The following KANK4 variants were observed in gnomAD, a reference collection of about 807,000 sequenced individuals.
KANK4 encodes the protein KN motif and ankyrin repeat domain-containing protein 4.
Under a neutral mutation model 80.8 loss-of-function variants are expected in KANK4, and 50 were observed. That is an observed-to-expected ratio of 0.62 (90% CI 0.49 to 0.78). The LOEUF (loss-of-function observed/expected upper bound fraction) is 0.78, where lower values mean the gene tolerates loss of function less well. KANK4 is among the 30% of genes least tolerant of loss of function. The pLI is 0.00. For missense variants in KANK4, 1,196 were observed against 1,240.1 expected, an observed-to-expected ratio of 0.96 and a Z score of 0.53; for synonymous variants, 465 against 506.9, an observed-to-expected ratio of 0.92 and a Z score of 1.11.
At chr1:62,263,409 C>T (rs1040412671) in intron 6 of KANK4, 98 bp from the exon 7 acceptor site, 9 of 912,452 alleles carry the variant, frequency 9.9e-6, no homozygotes, top group Non-Finnish European at 1.5e-5. Context: ...GTCCCTGCAG[C>T]TCCCTCCAGC....
At chr1:62,286,979 T>C (rs138182650) in intron 1 of KANK4, among the ~76,000 whole-genome samples, 1 of 152,238 alleles carries the variant, frequency 6.6e-6, no homozygotes, top group East Asian at 1.9e-4. Flanking sequence ...GACGACCAAA[T>C]TACTGTTCAG....
intron 8 of KANK4, among the ~76,000 whole-genome samples, chr1:62,248,901 G>T (rs549212676): frequency 7.8e-4 from 115 of 147,608 alleles, no homozygotes; most frequent in African/African-American, 2.6e-3. Context: ...AGTGGCTCAC[G>T]CCTGTAATCC....
At chr1:62,288,706 T>C (rs1432882276) in intron 1 of KANK4, among the ~76,000 whole-genome samples, 1 of 152,096 alleles carries the variant, frequency 6.6e-6, no homozygotes, top group Non-Finnish European at 1.5e-5. Context: ...GGAGGCTGCA[T>C]TAACCAATGA....
chr1:62,278,569 A>G (rs1334868360), intron 2 of KANK4, among the ~76,000 whole-genome samples: 1 of 148,008 alleles, frequency 6.8e-6, no homozygotes, highest in African/African-American at 2.5e-5. Flanking sequence ...TTTTTTTTGT[A>G]TTTTTAGTAG....
At chr1:62,282,218 C>T (rs190146782) in intron 1 of KANK4, among the ~76,000 whole-genome samples, 25 of 152,158 alleles carry the variant, frequency 1.6e-4, no homozygotes, top group Middle Eastern at 3.4e-3. Flanking sequence ...CTGGGTGGCC[C>T]GAAGACATGG....
intron 7 of KANK4, among the ~76,000 whole-genome samples, chr1:62,259,390 C>T (rs1671825347): frequency 6.6e-6 from 1 of 152,126 alleles, no homozygotes; most frequent in Non-Finnish European, 1.5e-5. Flanking sequence ...GATCCTCCCA[C>T]CTCAGCCTCC....
chr1:62,247,653 A>G lies in KANK4; in HGVS notation c.2702T>C (p.Met901Thr). ...CTCCCTGTCGTGGCTGACTCCCAGC[A>G]TCAGCGCAGTCTGGCCTCCCTGCAT... is the stretch of plus-strand genomic sequence containing the variant. ...QATQGGQTAL[M>T]LGVSHDREDM... Residue 901 changes from methionine to threonine, a missense_variant, in exon 9 of 10, where the codon ATG becomes ACG. Coordinates refer to ENST00000371153, the MANE Select transcript of KANK4 (RefSeq NM_181712.5). 1.9e-6 allele frequency: 3 copies of G among 1,613,830 alleles called. No homozygotes were observed. Among genetic ancestry groups the G allele is most frequent in the Non-Finnish European group, 2.5e-6 (3 of 1,180,028 alleles).
At chr1:62,264,524 AAGGGGACTGGCCCCTT>A (rs1187454134) in intron 6 of KANK4, among the ~76,000 whole-genome samples, 2 of 152,214 alleles carry the variant, frequency 1.3e-5, no homozygotes, top group African/African-American at 4.8e-5. Context: ...ATAGGAGTAA[AAGGGGACTGGCCCCTT>A]ACCTTCCATG....
intron 2 of KANK4, among the ~76,000 whole-genome samples, chr1:62,280,509 C>T (rs891807099): frequency 7.2e-5 from 11 of 152,136 alleles, no homozygotes; most frequent in African/African-American, 2.4e-4. Context: ...AGAGGCAGGG[C>T]GGGAACTAAT....
Position 62,266,784 on chromosome 1 carries a change from C to CG in KANK4, c.2266dup (p.Arg756ProfsTer39). 1 of 1,612,214 alleles carries CG rather than the reference C, an allele frequency of 6.2e-7. No homozygotes were observed. Among genetic ancestry groups the CG allele is most frequent in the Admixed American group, 1.7e-5 (1 of 59,994 alleles). On this transcript the variant is annotated frameshift_variant, in exon 6 of 10. Coordinates refer to ENST00000371153, the MANE Select transcript of KANK4 (RefSeq NM_181712.5). LOFTEE classifies it high-confidence loss of function. ...TTCTGGCAGATGCTGGCTCAGTGCCCGGCATGCATTAAGAAATTCTTCTGA... is the reference window on the plus strand; with the variant it reads ...TTCTGGCAGATGCTGGCTCAGTGCCCGGGCATGCATTAAGAAATTCTTCTGA...
Position 62,253,209 on chromosome 1 carries a change from C to T in KANK4, c.2540G>A (p.Gly847Asp). The change falls in exon 8 of 10, where the codon GGC becomes GAC. Residue 847 changes from glycine (G) to aspartate (D), a missense_variant and splice_region_variant. Around this residue, in one of 3 missense-constraint regions of KANK4, gnomAD observed 1,154 missense variants for 1,179.6 expected, o/e 0.98. Transcript: ENST00000371153. ...GTTCTGATGGTCCACATTGCAGACG[C>T]CTGCAAGAGAAGCAATGGGTGCTGC... is the stretch of plus-strand genomic sequence containing the variant. ...FSIVKLLLETGVCNVDHQNKA... is the reference protein window; with the variant it reads ...FSIVKLLLETDVCNVDHQNKA... 1 of 1,602,734 alleles carries T rather than the reference C, an allele frequency of 6.2e-7. No homozygotes were observed. Among genetic ancestry groups the T allele is most frequent in the Non-Finnish European group, 8.5e-7 (1 of 1,176,806 alleles).
intron 2 of KANK4, among the ~76,000 whole-genome samples, chr1:62,276,895 C>A (rs1182974526): frequency 6.6e-6 from 1 of 152,140 alleles, no homozygotes; most frequent in Non-Finnish European, 1.5e-5. Flanking sequence ...ACAATGGAAG[C>A]CCCATAATGG....
chr1:62,258,964 G>A (rs978232089), intron 7 of KANK4, among the ~76,000 whole-genome samples: 2 of 152,128 alleles, frequency 1.3e-5, no homozygotes, highest in African/African-American at 4.8e-5. Context: ...TGACCTTGGT[G>A]AGTGAGGCCA....
At position 62,238,385 on chromosome 1, in the gene KANK4, C is replaced by T; in HGVS notation, c.2884-4G>A. 6.2e-7 allele frequency: 1 copy of T among 1,613,168 alleles called. No homozygotes were observed. The highest frequency in any genetic ancestry group is 8.5e-7 in the Non-Finnish European group (1 of 1,179,408). On this transcript the variant is annotated splice_polypyrimidine_tract_variant and splice_region_variant and intron_variant, in intron 9 of 9. Transcript: ENST00000371153. ...TGGACAAAGCTGTGCGGCCAGCCTA[C>T]AGGAGAAAAAGGAAAGAAGAAATAA...
intron 1 of KANK4, among the ~76,000 whole-genome samples, chr1:62,317,667 T>A (rs1644553037): frequency 6.6e-6 from 1 of 152,230 alleles, no homozygotes; most frequent in Admixed American, 6.5e-5. Flanking sequence ...CTCATTCCAC[T>A]CTCTCCTGTC....
chr1:62,238,488 A>G (rs1464789554), intron 9 of KANK4, 107 bp from the exon 10 acceptor site: 2 of 865,512 alleles, frequency 2.3e-6, no homozygotes, highest in African/African-American at 3.3e-5. Flanking sequence ...ACAGGTGTCT[A>G]TTAAGGCTTC....
chr1:62,304,270 A>C (rs1364326418), intron 1 of KANK4, among the ~76,000 whole-genome samples: 1 of 152,080 alleles, frequency 6.6e-6, no homozygotes, highest in Non-Finnish European at 1.5e-5. Flanking sequence ...GTTGATCTGA[A>C]TAGCAACAGA....
chr1:62,270,292 T>G (rs773817793), intron 4 of KANK4, among the ~76,000 whole-genome samples: 2 of 152,114 alleles, frequency 1.3e-5, no homozygotes, highest in Non-Finnish European at 2.9e-5. Context: ...GTACATGAAC[T>G]GTGAAAGCAC....
At chr1:62,294,549 G>T (rs970105830) in intron 1 of KANK4, among the ~76,000 whole-genome samples, 2 of 152,236 alleles carry the variant, frequency 1.3e-5, no homozygotes, top group Non-Finnish European at 2.9e-5. Flanking sequence ...TGCCTTCTGG[G>T]TTGGGAGGAA....
Sources: allele counts gnomAD v4.1 joint callset (sites outside exome capture counted in the v4.1 genomes callset), GRCh38; gene constraint gnomAD v4.1.1; regional missense constraint gnomAD v4.1.1; transcripts MANE v1.5; gene names NCBI Gene and HGNC (gene_info 2026-07-23, HGNC 2026-07-21).